Variants in FARS2 observed in about 807,000 individuals in gnomAD.
FARS2 encodes the protein phenylalanine--tRNA ligase, mitochondrial.
FARS2 carries 40 observed loss-of-function variants against 46.4 expected under a neutral mutation model. The observed-to-expected ratio is 0.86, with a 90% CI of 0.67 to 1.12. FARS2 has a LOEUF of 1.12. FARS2 is among the 50% of genes most tolerant of loss of function. FARS2 has a pLI of 0.00. For synonymous variants in FARS2, 234 were observed against 214.9 expected, an observed-to-expected ratio of 1.09 and a Z score of -0.78; for missense variants, 513 against 567.9, an observed-to-expected ratio of 0.90 and a Z score of 0.98.
intron 6 of FARS2, among the ~76,000 whole-genome samples, chr6:5,685,687 C>G (rs1757142908): frequency 6.6e-6 from 1 of 152,122 alleles, no homozygotes; most frequent in Non-Finnish European, 1.5e-5. Flanking sequence ...GCCTAGGGGG[C>G]TGGACGCTGG....
intron 4 of FARS2, among the ~76,000 whole-genome samples, chr6:5,487,345 G>C (rs1370370196): frequency 2.0e-5 from 3 of 152,176 alleles, no homozygotes; most frequent in Non-Finnish European, 4.4e-5. Context: ...GGGAGAACCA[G>C]TCTCCAATGA....
At chr6:5,756,356 C>G (rs531756484) in intron 6 of FARS2, among the ~76,000 whole-genome samples, 32 of 152,274 alleles carry the variant, frequency 2.1e-4, no homozygotes, top group Middle Eastern at 3.4e-3. Context: ...AAGAACAACC[C>G]GAGACTGGGT....
intron 4 of FARS2, among the ~76,000 whole-genome samples, chr6:5,517,518 A>G (rs1768878892): frequency 6.6e-6 from 1 of 152,006 alleles, no homozygotes; most frequent in African/African-American, 2.4e-5. Flanking sequence ...AGGCTGAGGC[A>G]GGAGAATCGC....
chr6:5,426,736 G>A (rs905358382), intron 3 of FARS2, among the ~76,000 whole-genome samples: 6 of 152,048 alleles, frequency 3.9e-5, no homozygotes, highest in African/African-American at 1.4e-4. Context: ...AGCAATTTTC[G>A]TGACTCAGCC....
chr6:5,540,538 G>A (rs1253739396), intron 4 of FARS2, among the ~76,000 whole-genome samples: 1 of 152,158 alleles, frequency 6.6e-6, no homozygotes, highest in African/African-American at 2.4e-5. Flanking sequence ...TCGCACTGTC[G>A]TGTCTTCAGC....
At chr6:5,607,755 C>T (rs1003446687) in intron 5 of FARS2, among the ~76,000 whole-genome samples, 5 of 152,136 alleles carry the variant, frequency 3.3e-5, no homozygotes, top group Non-Finnish European at 2.9e-5. Context: ...CAAGTCATGA[C>T]TTTCATTCCC....
chr6:5,302,328 C>T (rs1324241431), intron 1 of FARS2, among the ~76,000 whole-genome samples: 1 of 152,114 alleles, frequency 6.6e-6, no homozygotes, highest in Non-Finnish European at 1.5e-5. Context: ...GTGCCCATGT[C>T]GGTCTGTGCA....
chr6:5,322,719 C>A (rs544507984), intron 1 of FARS2, among the ~76,000 whole-genome samples: 1 of 152,108 alleles, frequency 6.6e-6, no homozygotes, highest in African/African-American at 2.4e-5. Flanking sequence ...GACCTTTGGG[C>A]GCTAATTCCC....
chr6:5,557,252 A>C (rs2150527699), intron 5 of FARS2, among the ~76,000 whole-genome samples: 1 of 152,260 alleles, frequency 6.6e-6, no homozygotes, highest in South Asian at 2.1e-4. Context: ...GAATGGCTTA[A>C]ATAACAACAA....
rs1767516668 is a variant in FARS2 at position 5,291,695 on chromosome 6, C to G, written c.-22+30035C>G. On this transcript the variant is annotated intron_variant, in intron 1 of 6. Transcript: ENST00000274680. ...AAGACGGGAGTCCAGGAGTTTGAGG[C>G]TAAAGTGAGCTGTGATTGAGCCACT... Among the ~76,000 whole-genome samples, 3 of 151,532 alleles carry G rather than the reference C, an allele frequency of 2.0e-5. No homozygotes were observed. In the South Asian group the frequency reaches 6.2e-4, roughly 32 times the overall value.
At chr6:5,652,933 G>C (rs929848981) in intron 6 of FARS2, among the ~76,000 whole-genome samples, 1 of 152,208 alleles carries the variant, frequency 6.6e-6, no homozygotes, top group Non-Finnish European at 1.5e-5. Context: ...CCTCCAACTA[G>C]GGCAAGAGGC....
At chr6:5,655,133 G>A (rs1277198298) in intron 6 of FARS2, among the ~76,000 whole-genome samples, 1 of 152,106 alleles carries the variant, frequency 6.6e-6, no homozygotes, top group African/African-American at 2.4e-5. Context: ...CTGGGTGAGG[G>A]GTTGGTGGCC....
intron 4 of FARS2, among the ~76,000 whole-genome samples, chr6:5,450,503 G>A (rs563060862): frequency 5.0e-4 from 76 of 151,364 alleles, no homozygotes; most frequent in Non-Finnish European, 9.4e-4. Context: ...GGTGGCCATC[G>A]GTGAAGTGTG....
rs373796937 is a variant in FARS2 at position 5,287,484 on chromosome 6, A to G, written c.-22+25824A>G. On this transcript the variant is annotated intron_variant, in intron 1 of 6. Transcript: ENST00000274680. ...TGGCACTGAGAGTGGCCATTTTTCC[A>G]TTGCCTGTTTCCTCTTGCTCTCCCG... 6.6e-5 allele frequency among the ~76,000 whole-genome samples: 10 copies of G among 151,756 alleles called. No homozygotes were observed. In the South Asian group the frequency reaches 1.5e-3, roughly 22 times the overall value.
At chr6:5,483,268 A>G (rs1399288144) in intron 4 of FARS2, among the ~76,000 whole-genome samples, 1 of 148,058 alleles carries the variant, frequency 6.8e-6, no homozygotes, top group African/African-American at 2.7e-5. Context: ...CCTGCACTCT[A>G]TCTTTATGTG....
intron 1 of FARS2, among the ~76,000 whole-genome samples, chr6:5,357,901 G>C (rs1758040609): frequency 6.6e-6 from 1 of 152,236 alleles, no homozygotes. Flanking sequence ...TCATAGAGAA[G>C]ATGATGCTCC....
chr6:5,409,376 G>T (rs1761801701), intron 3 of FARS2, among the ~76,000 whole-genome samples: 1 of 152,068 alleles, frequency 6.6e-6, no homozygotes, highest in African/African-American at 2.4e-5. Flanking sequence ...GCTTGAACCT[G>T]AGAGGCGGAG....
At chr6:5,729,951 T>A (rs1403918847) in intron 6 of FARS2, among the ~76,000 whole-genome samples, 2 of 152,218 alleles carry the variant, frequency 1.3e-5, no homozygotes, top group Non-Finnish European at 2.9e-5. Flanking sequence ...GCTGACTGGA[T>A]GCCAGGAGCA....
chr6:5,529,753 T>C (rs1448242040), intron 4 of FARS2, among the ~76,000 whole-genome samples: 1 of 152,242 alleles, frequency 6.6e-6, no homozygotes, highest in Non-Finnish European at 1.5e-5. Flanking sequence ...TGAATCTGAC[T>C]TGGCTCTGTT....
Sources: allele counts gnomAD v4.1 joint callset (sites outside exome capture counted in the v4.1 genomes callset), GRCh38; gene constraint gnomAD v4.1.1; transcripts MANE v1.5; gene names NCBI Gene and HGNC (gene_info 2026-07-23, HGNC 2026-07-21).